The following KCNQ5 variants were observed in gnomAD, a reference collection of about 807,000 sequenced individuals.
The protein encoded by KCNQ5 is potassium voltage-gated channel subfamily Q member 5.
Under a neutral mutation model 98.2 loss-of-function variants are expected in KCNQ5, and 30 were observed. The observed-to-expected ratio is 0.31, with a 90% CI of 0.23 to 0.41. KCNQ5 has a LOEUF of 0.41. Among genes scored for constraint, KCNQ5 ranks in the 10% least tolerant of loss-of-function variants. The pLI, the probability that KCNQ5 is intolerant of heterozygous loss-of-function variation, is 1.00. For missense variants in KCNQ5, 835 were observed against 1,182.5 expected, an observed-to-expected ratio of 0.71 and a Z score of 4.31; for synonymous variants, 458 against 449.4, an observed-to-expected ratio of 1.02 and a Z score of -0.24.
intron 2 of KCNQ5, among the ~76,000 whole-genome samples, chr6:73,023,356 A>G (rs1361530205): frequency 6.6e-6 from 1 of 152,110 alleles, no homozygotes; most frequent in African/African-American, 2.4e-5. Flanking sequence ...ATTACATTTG[A>G]TTCATTTGGG....
intron 1 of KCNQ5, among the ~76,000 whole-genome samples, chr6:72,827,520 A>G (rs1160551638): frequency 1.3e-5 from 2 of 152,074 alleles, no homozygotes; most frequent in Non-Finnish European, 2.9e-5. Flanking sequence ...GGCCATTTGT[A>G]TATCTTCCTT....
intron 10 of KCNQ5, among the ~76,000 whole-genome samples, chr6:73,153,814 T>C (rs558875117): frequency 2.0e-5 from 3 of 151,924 alleles, no homozygotes; most frequent in South Asian, 4.1e-4. Context: ...GTCATAATAC[T>C]AAATAAGTAA....
At chr6:73,189,238 A>G (rs1174892478) in intron 11 of KCNQ5, among the ~76,000 whole-genome samples, 1 of 152,212 alleles carries the variant, frequency 6.6e-6, no homozygotes, top group African/African-American at 2.4e-5. Flanking sequence ...TTTCTGCTGA[A>G]TAATTTTGCT....
intron 1 of KCNQ5, among the ~76,000 whole-genome samples, chr6:72,976,216 T>A (rs1434533089): frequency 1.3e-5 from 2 of 152,236 alleles, no homozygotes; most frequent in Non-Finnish European, 2.9e-5. Context: ...ATGGTTATTA[T>A]CATATAGTCA....
At chr6:72,819,419 G>T (rs1405251398) in intron 1 of KCNQ5, among the ~76,000 whole-genome samples, 3 of 152,128 alleles carry the variant, frequency 2.0e-5, no homozygotes, top group African/African-American at 7.2e-5. Flanking sequence ...AAAATACCAG[G>T]AATTTAAAAT....
intron 3 of KCNQ5, among the ~76,000 whole-genome samples, chr6:73,059,629 T>C (rs2150374107): frequency 6.6e-6 from 1 of 152,270 alleles, no homozygotes; most frequent in Middle Eastern, 3.4e-3. Context: ...AGCATTAAAT[T>C]AGACCATGCT....
intron 1 of KCNQ5, among the ~76,000 whole-genome samples, chr6:72,901,149 A>G (rs1442371352): frequency 9.0e-6 from 1 of 110,862 alleles, no homozygotes; most frequent in African/African-American, 3.5e-5. Context: ...CGACCCCACA[A>G]CAGGGCCTGG....
intron 1 of KCNQ5, among the ~76,000 whole-genome samples, chr6:72,731,574 G>C (rs1305200334): frequency 6.6e-6 from 1 of 152,052 alleles, no homozygotes; most frequent in Non-Finnish European, 1.5e-5. Context: ...TTGCCTCATG[G>C]TTCATGATGG....
At chr6:73,097,457 C>T (rs1774560467) in intron 5 of KCNQ5, among the ~76,000 whole-genome samples, 2 of 152,074 alleles carry the variant, frequency 1.3e-5, no homozygotes, top group African/African-American at 2.4e-5. Flanking sequence ...CAATAAAAAG[C>T]ATATATTATA....
intron 5 of KCNQ5, among the ~76,000 whole-genome samples, chr6:73,084,223 G>T (rs544953186): frequency 6.6e-6 from 1 of 152,340 alleles, no homozygotes; most frequent in South Asian, 2.1e-4. Context: ...GGCGGGATGT[G>T]ATGGAAGTAT....
At chr6:72,904,884 T>G (rs1055106378) in intron 1 of KCNQ5, among the ~76,000 whole-genome samples, 8 of 152,180 alleles carry the variant, frequency 5.3e-5, no homozygotes, top group Non-Finnish European at 1.2e-4. Flanking sequence ...ATTTCCAGGG[T>G]GTTCTTTGTG....
chr6:72,971,680 C>T (rs913698625), intron 1 of KCNQ5, among the ~76,000 whole-genome samples: 5 of 152,174 alleles, frequency 3.3e-5, no homozygotes, highest in African/African-American at 1.2e-4. Context: ...GAGTTCATGT[C>T]CTTTGTAGGG....
chr6:72,783,896 A>C (rs1265860261), intron 1 of KCNQ5, among the ~76,000 whole-genome samples: 1 of 152,128 alleles, frequency 6.6e-6, no homozygotes, highest in Non-Finnish European at 1.5e-5. Context: ...ATGCTTTTCT[A>C]ACTAGAGCCT....
At chr6:73,023,412 A>G (rs551607890) in intron 2 of KCNQ5, among the ~76,000 whole-genome samples, 6 of 152,310 alleles carry the variant, frequency 3.9e-5, no homozygotes, top group Non-Finnish European at 7.3e-5. Context: ...TCCAGGAGAT[A>G]CGGGAGTCTG....
intron 1 of KCNQ5, among the ~76,000 whole-genome samples, chr6:72,688,567 G>A (rs545406985): frequency 1.3e-5 from 2 of 152,174 alleles, no homozygotes; most frequent in East Asian, 3.9e-4. Context: ...AATTTTTACT[G>A]TCATCATATC....
chr6:72,952,976 G>T (rs1305659046), intron 1 of KCNQ5, among the ~76,000 whole-genome samples: 1 of 152,136 alleles, frequency 6.6e-6, no homozygotes, highest in Admixed American at 6.5e-5. Context: ...TTTTTCCTGA[G>T]GATCCAGTAA....
intron 6 of KCNQ5, among the ~76,000 whole-genome samples, chr6:73,107,624 C>A (rs1775057505): frequency 6.6e-6 from 1 of 151,992 alleles, no homozygotes; most frequent in African/African-American, 2.4e-5. Flanking sequence ...AGGCAGTCCC[C>A]ATAATGAAAC....
Position 73,148,359 on chromosome 6 carries a change from G to T in KCNQ5, c.1468+14718G>T, listed in dbSNP as rs369232436. ...GAATTACCTACTCAGTGTAAATGGG[G>T]TCTTTGATTGTGAAGAGAAATACTC... On this transcript the variant is annotated intron_variant, in intron 10 of 13. Coordinates refer to ENST00000370398, the MANE Select transcript of KCNQ5 (RefSeq NM_019842.4). 1.2e-4 allele frequency among the ~76,000 whole-genome samples: 18 copies of T among 152,298 alleles called. 1 individual carries two copies. In the South Asian group the frequency reaches 2.3e-3, roughly 19 times the overall value.
At chr6:73,028,433 G>A (rs1373545737) in intron 2 of KCNQ5, among the ~76,000 whole-genome samples, 1 of 152,202 alleles carries the variant, frequency 6.6e-6, no homozygotes, top group African/African-American at 2.4e-5. Context: ...TTCAAGAGGA[G>A]AATCCACTGC....
Sources: gnomAD v4.1 joint callset for allele counts (sites outside exome capture counted in the v4.1 genomes callset) on GRCh38, gnomAD v4.1.1 for gene constraint, MANE v1.5 for transcripts, NCBI Gene and HGNC (gene_info 2026-07-23, HGNC 2026-07-21) for gene names.